The following ABHD12B variants were observed in gnomAD, a reference collection of about 807,000 sequenced individuals.
The protein encoded by ABHD12B is protein ABHD12B.
In ABHD12B, 42 loss-of-function variants were observed where a neutral mutation model predicts 50.4. The ratio of observed to expected loss-of-function variants is 0.83; its 90% CI spans 0.65 to 1.08. The LOEUF is 1.08. ABHD12B is among the 50% of genes least tolerant of loss of function. The pLI is 0.00. For synonymous variants in ABHD12B, 167 were observed against 160.3 expected (o/e 1.04, Z -0.32); for missense variants, 479 against 447.7 (o/e 1.07, Z -0.63).
At chr14:50,888,975 A>G in intron 9 of ABHD12B, 72 bp downstream of exon 9, 1 of 1,162,644 alleles carries the variant, frequency 8.6e-7, no homozygotes, top group Non-Finnish European at 1.2e-6. Flanking sequence ...ATTTCTACAC[A>G]TGTATGTTTA....
intron 9 of ABHD12B, 146 bp from the exon 10 acceptor site, chr14:50,901,683 T>G (rs1344571237): frequency 2.3e-6 from 1 of 434,626 alleles, no homozygotes; most frequent in Non-Finnish European, 4.1e-6. Flanking sequence ...GTGCATTACT[T>G]TTTAAATCGT....
intron 9 of ABHD12B, chr14:50,892,020 T>G (rs1260820442): frequency 6.6e-6 from 1 of 152,202 alleles, no homozygotes; most frequent in South Asian, 2.1e-4. Flanking sequence ...CGCTTTGCAT[T>G]TCGGTATACA....
At chr14:50,872,592 T>C (rs2049802426) in intron 1 of ABHD12B, among the ~76,000 whole-genome samples, 1 of 152,172 alleles carries the variant, frequency 6.6e-6, no homozygotes, top group African/African-American at 2.4e-5. Flanking sequence ...TACACCAATC[T>C]CTATTATCTG....
At chr14:50,898,613 G>C (rs2050225992) in intron 9 of ABHD12B, among the ~76,000 whole-genome samples, 1 of 152,196 alleles carries the variant, frequency 6.6e-6, no homozygotes, top group African/African-American at 2.4e-5. Context: ...GGAATAATGA[G>C]AGTAGATTGA....
intron 5 of ABHD12B, 136 bp from the exon 6 acceptor site, chr14:50,885,478 A>G: frequency 2.1e-6 from 2 of 955,082 alleles, no homozygotes; most frequent in Non-Finnish European, 3.2e-6. Context: ...TGCAGTTAAA[A>G]AAAATACTAA....
chr14:50,900,512 C>T (rs1208880858), intron 9 of ABHD12B, among the ~76,000 whole-genome samples: 1 of 152,056 alleles, frequency 6.6e-6, no homozygotes, highest in Non-Finnish European at 1.5e-5. Context: ...AAAAAGAAAT[C>T]CAATAGTGAG....
chr14:50,890,599 A>G (rs1225283309), intron 9 of ABHD12B, among the ~76,000 whole-genome samples: 5 of 152,150 alleles, frequency 3.3e-5, no homozygotes. Context: ...ACCCAACATT[A>G]TATTTGTGGG....
At chr14:50,894,969 C>G (rs1596019197) in intron 9 of ABHD12B, among the ~76,000 whole-genome samples, 1 of 149,624 alleles carries the variant, frequency 6.7e-6, no homozygotes, top group East Asian at 1.9e-4. Context: ...CGTTCCGTGA[C>G]TAGCCCTCCC....
intron 9 of ABHD12B, among the ~76,000 whole-genome samples, chr14:50,900,120 T>C: frequency 6.6e-6 from 1 of 151,744 alleles, no homozygotes; most frequent in Non-Finnish European, 1.5e-5. Flanking sequence ...TAGTCCCAGC[T>C]ACTATGGAGG....
chr14:50,903,936 C>T, intron 11 of ABHD12B, 138 bp from the exon 12 acceptor site: 2 of 689,884 alleles, frequency 2.9e-6, no homozygotes, highest in Non-Finnish European at 5.1e-6. Context: ...GCAACTGGGA[C>T]ATGGAGAGTT....
rs1373609343 is a variant in ABHD12B, at chr14:50,885,860, TC to T, written c.630del (p.Val211CysfsTer20). The T allele has an allele frequency of 6.2e-7, 1 of 1,614,158 alleles. No homozygotes were observed. Among genetic ancestry groups the T allele is most frequent in the East Asian group, 2.2e-5 (1 of 44,878 alleles). The stretch of plus-strand genomic sequence containing the variant: ...GGACCAAGGCAAGAAGTGGCATCAC[TC>T]CCGTGTGTCTCTGGGGCCACTCTCT... ...EWTKARSGIT[P>X]VCLWGHSLGT... On this transcript the variant is annotated frameshift_variant, in exon 7 of 13. Transcript: ENST00000337334.
At chr14:50,899,920 TAAA>T (rs1326712749) in intron 9 of ABHD12B, among the ~76,000 whole-genome samples, 3 of 120,402 alleles carry the variant, frequency 2.5e-5, no homozygotes, top group Non-Finnish European at 3.5e-5. Flanking sequence ...AGACTCTGTC[TAAA>T]AAAAAAAAAA....
At chr14:50,888,390 G>C (rs2050070890) in intron 8 of ABHD12B, among the ~76,000 whole-genome samples, 1 of 152,056 alleles carries the variant, frequency 6.6e-6, no homozygotes, top group Non-Finnish European at 1.5e-5. Flanking sequence ...TTTTAGTAGA[G>C]ATGGGGTTTC....
In ABHD12B at chr14:50,878,829, GGGTGATGC is replaced by G; in HGVS notation, c.318_325del (p.Val107ArgfsTer23). 6.2e-7 allele frequency: 1 copy of G among 1,613,928 alleles called. No individual in the cohort carries two copies. Among genetic ancestry groups the G allele is most frequent in the South Asian group, 1.1e-5 (1 of 91,082 alleles). On this transcript the variant is annotated frameshift_variant, in exon 3 of 13. Coordinates refer to ENST00000337334, the MANE Select transcript of ABHD12B (RefSeq NM_001206673.2). LOFTEE classifies it high-confidence loss of function. ...AACTTCTACCTGAGAGTTGAACCTG[GGGTGATGC>G]TAGGGATCTGGTGAGTGCACGGATG...
rs368937965 is a variant in ABHD12B at position 50,888,858 on chromosome 14, A to G, written c.735A>G (p.Pro245=). The part of the protein sequence containing the change: ...CPVDAIVLEA[P]FTNMWVASIN... ...TTGATGCTATTGTCTTGGAAGCTCC[A>G]TTTACCAACATGTGGGTTGCAAGTA... The change falls in exon 9 of 13, where the codon CCA becomes CCG. Residue 245 remains proline, a synonymous_variant. Transcript: ENST00000337334. 74 of 1,613,952 alleles carry G rather than the reference A, an allele frequency of 4.6e-5. No homozygotes were observed. Among genetic ancestry groups the G allele is most frequent in the Non-Finnish European group, 5.3e-5 (62 of 1,180,014 alleles).
At chr14:50,900,037 A>T (rs1369038620) in intron 9 of ABHD12B, among the ~76,000 whole-genome samples, 1 of 152,074 alleles carries the variant, frequency 6.6e-6, no homozygotes, top group Non-Finnish European at 1.5e-5. Flanking sequence ...CCAGGAGTTC[A>T]AGACCAGTCT....
At chr14:50,901,789 A>G in intron 9 of ABHD12B, 40 bp from the exon 10 acceptor site, 1 of 1,360,010 alleles carries the variant, frequency 7.4e-7, no homozygotes. Context: ...TGGCATAGCT[A>G]TGGGGCAAAT....
intron 1 of ABHD12B, among the ~76,000 whole-genome samples, chr14:50,874,861 T>C (rs1476152242): frequency 6.6e-6 from 1 of 152,254 alleles, no homozygotes; most frequent in Non-Finnish European, 1.5e-5. Context: ...CCTTGCTCTG[T>C]GGAGCACACA....
chr14:50,900,821 G>A (rs909082936), intron 9 of ABHD12B, among the ~76,000 whole-genome samples: 26 of 152,202 alleles, frequency 1.7e-4, no homozygotes, highest in Admixed American at 1.1e-3. Flanking sequence ...GCAGGAAGCC[G>A]CCGGATTCTT....
Sources: gnomAD v4.1 joint callset for allele counts (sites outside exome capture counted in the v4.1 genomes callset) on GRCh38, gnomAD v4.1.1 for gene constraint, MANE v1.5 for transcripts, NCBI Gene and HGNC (gene_info 2026-07-23, HGNC 2026-07-21) for gene names.